The following GNB5 variants were observed in gnomAD, a reference collection of about 807,000 sequenced individuals.
The protein encoded by GNB5 is guanine nucleotide-binding protein subunit beta-5.
GNB5 carries 37 observed loss-of-function variants against 55.3 expected under a neutral mutation model. The ratio of observed to expected loss-of-function variants is 0.67; its 90% CI spans 0.51 to 0.88. GNB5 has a LOEUF of 0.88. Among genes scored for constraint, GNB5 ranks in the 40% least tolerant of loss-of-function variants. GNB5 has a pLI of 0.00. For synonymous variants in GNB5, 219 were observed against 198.5 expected (o/e 1.10, Z -0.87); for missense variants, 476 against 515.3 (o/e 0.92, Z 0.74).
chr15:52,149,863 T>C (rs768690350), intron 5 of GNB5, 21 bp downstream of exon 5: 2 of 1,588,854 alleles, frequency 1.3e-6, no homozygotes, highest in African/African-American at 1.3e-5. Context: ...CTCTATAACG[T>C]GGCTGGGAAC....
At chr15:52,140,179 C>T in intron 7 of GNB5, 2 of 225,840 alleles carry the variant, frequency 8.9e-6, no homozygotes, top group South Asian at 9.2e-5. Context: ...ACCTCCCCAT[C>T]CCTCCTGACA....
intron 1 of GNB5, among the ~76,000 whole-genome samples, chr15:52,187,811 T>G (rs572049673): frequency 6.6e-5 from 10 of 152,088 alleles, no homozygotes; most frequent in African/African-American, 2.2e-4. Flanking sequence ...TAGCCTGGCG[T>G]TGTGGTGCGC....
chr15:52,122,391 C>T lies in GNB5; in HGVS notation c.*366G>A, dbSNP rs569322786. 206 of 206,962 alleles carry T rather than the reference C, an allele frequency of 1.0e-3. 1 individual carries two copies. In the South Asian group the frequency reaches 0.016, roughly 16 times the overall value. 12.8% of individuals were successfully genotyped at this position (206,962 alleles called of 1,614,324 possible). A position where few individuals can be genotyped will look rare whatever the true frequency, so the allele number is the denominator to read the frequency against. ...TCGAGAAATATCAGACTTTAAAGTG[C>T]TCTGAAAATGAATTGATTCAAAGAA... is the stretch of plus-strand genomic sequence containing the variant. On this transcript the variant is annotated 3_prime_UTR_variant, in exon 13 of 13. Coordinates refer to ENST00000261837, the MANE Select transcript of GNB5 (RefSeq NM_016194.4).
intron 3 of GNB5, among the ~76,000 whole-genome samples, chr15:52,178,916 A>G (rs1054917770): frequency 6.6e-6 from 1 of 152,260 alleles, no homozygotes; most frequent in African/African-American, 2.4e-5. Context: ...TGCCACCCTC[A>G]GAGCTCAAAA....
chr15:52,160,443 A>G (rs1285636727), intron 3 of GNB5, among the ~76,000 whole-genome samples: 1 of 152,224 alleles, frequency 6.6e-6, no homozygotes, highest in Non-Finnish European at 1.5e-5. Context: ...TGGAAACAAC[A>G]TGACCCGGAG....
intron 1 of GNB5, among the ~76,000 whole-genome samples, chr15:52,187,958 T>A (rs11631341): frequency 0.76 from 114,782 of 150,922 alleles, 45,274 homozygotes; most frequent in Non-Finnish European, 0.87. Flanking sequence ...CAAAGAAAAT[T>A]AAAAATTAAA....
At chr15:52,178,200 C>T (rs1304979601) in intron 3 of GNB5, among the ~76,000 whole-genome samples, 7 of 152,180 alleles carry the variant, frequency 4.6e-5, no homozygotes, top group South Asian at 2.1e-4. Context: ...GGGGGGAATC[C>T]GGGTCCCAAC....
In GNB5 at chr15:52,118,005, TC is replaced by T; in HGVS notation, c.*4751del. 6.5e-6 allele frequency: 1 copy of T among 152,884 alleles called. No individual in the cohort carries two copies. Among genetic ancestry groups the T allele is most frequent in the Non-Finnish European group, 1.5e-5 (1 of 68,480 alleles). 9.5% of individuals were successfully genotyped at this position (152,884 alleles called of 1,614,324 possible). Reference sequence around the variant, plus strand: ...GTCTTCTACCCCACCCACTGTGCCTTCCCCAGGCTTCCAGGCGTCCTCTTTT... The same window carrying T: ...GTCTTCTACCCCACCCACTGTGCCTTCCCAGGCTTCCAGGCGTCCTCTTTT... On this transcript the variant is annotated 3_prime_UTR_variant, in exon 13 of 13. Transcript: ENST00000261837.
At chr15:52,177,568 T>C (rs1297229008) in intron 3 of GNB5, among the ~76,000 whole-genome samples, 1 of 151,408 alleles carries the variant, frequency 6.6e-6, no homozygotes, top group East Asian at 2.0e-4. Context: ...GGAGAAACAC[T>C]TGAACCTGGG....
intron 9 of GNB5, 96 bp from the exon 10 acceptor site, chr15:52,128,340 T>C: frequency 2.5e-6 from 2 of 809,314 alleles, no homozygotes. Context: ...TCTCTATTTC[T>C]AGGGACTCAA....
Position 52,125,981 on chromosome 15 carries a change from A to G in GNB5, c.976T>C (p.Phe326Leu). Residue 326 changes from phenylalanine (F) to leucine (L), a missense_variant, in exon 11 of 13, where the codon TTT (phenylalanine) becomes CTT (leucine). Phe to Leu is a conservative substitution (Grantham distance 22). Transcript: ENST00000261837. ...VAIYSKESII[F>L]GASSVDFSLS... ...GAGAAGTCCACGCTGGATGCTCCAAATATGATGCTTTCTTTGGAATAGATG... is the reference window on the plus strand; with the variant it reads ...GAGAAGTCCACGCTGGATGCTCCAAGTATGATGCTTTCTTTGGAATAGATG... 1.3e-6 allele frequency: 2 copies of G among 1,577,298 alleles called. No homozygotes were observed. Among genetic ancestry groups the G allele is most frequent in the Non-Finnish European group, 1.7e-6 (2 of 1,150,108 alleles).
chr15:52,174,113 A>C (rs2034603350), intron 3 of GNB5, among the ~76,000 whole-genome samples: 1 of 152,206 alleles, frequency 6.6e-6, no homozygotes, highest in South Asian at 2.1e-4. Context: ...GTGACCACAG[A>C]AGCAGTGCTC....
At chr15:52,169,400 T>A (rs138153322) in intron 3 of GNB5, among the ~76,000 whole-genome samples, 1,545 of 151,204 alleles carry the variant, frequency 0.01, 29 homozygotes, top group African/African-American at 0.036. Flanking sequence ...TAGCTGGGCA[T>A]GGTGGTGGGC....
intron 1 of GNB5, among the ~76,000 whole-genome samples, chr15:52,188,717 A>G (rs2034878922): frequency 6.6e-6 from 1 of 152,222 alleles, no homozygotes; most frequent in African/African-American, 2.4e-5. Context: ...TAATAACTTT[A>G]TGCCAAGCAC....
intron 3 of GNB5, among the ~76,000 whole-genome samples, chr15:52,163,451 T>C (rs2034382379): frequency 6.6e-6 from 1 of 152,140 alleles, no homozygotes; most frequent in Admixed American, 6.5e-5. Flanking sequence ...AGCCAGCCAG[T>C]GGTAGACGTT....
Position 52,128,255 on chromosome 15 carries a change from A to T in GNB5, c.864-11T>A. The stretch of plus-strand genomic sequence containing the variant: ...CCACTGGGGTAGTACCTGCAGAGAG[A>T]AAGTACTTTATCTACGGTTGTGACT... On this transcript the variant is annotated splice_polypyrimidine_tract_variant and intron_variant, in intron 9 of 12. Coordinates refer to ENST00000261837, the MANE Select transcript of GNB5 (RefSeq NM_016194.4). 1 of 1,589,198 alleles carries T rather than the reference A, an allele frequency of 6.3e-7. No individual in the cohort carries two copies. The highest frequency in any genetic ancestry group is 8.6e-7 in the Non-Finnish European group (1 of 1,157,214).
chr15:52,132,058 G>A (rs974617642), intron 9 of GNB5, among the ~76,000 whole-genome samples: 4 of 152,152 alleles, frequency 2.6e-5, no homozygotes, highest in South Asian at 2.1e-4. Context: ...TGCTGCCCTC[G>A]ATAAAAGATG....
chr15:52,157,028 C>T (rs1225409074), intron 3 of GNB5, among the ~76,000 whole-genome samples: 2 of 151,348 alleles, frequency 1.3e-5, no homozygotes, highest in Admixed American at 6.6e-5. Flanking sequence ...CTCTGCCTCC[C>T]GGGTTCACGC....
intron 5 of GNB5, 61 bp downstream of exon 5, chr15:52,149,823 G>T: frequency 8.1e-7 from 1 of 1,241,466 alleles, no homozygotes; most frequent in Non-Finnish European, 1.2e-6. Flanking sequence ...CTGGACCAGA[G>T]CACCTTTAAG....
Sources: allele counts gnomAD v4.1 joint callset (sites outside exome capture counted in the v4.1 genomes callset), GRCh38; gene constraint gnomAD v4.1.1; transcripts MANE v1.5; gene names NCBI Gene and HGNC (gene_info 2026-07-23, HGNC 2026-07-21).